Variants in METTL24 observed in about 807,000 individuals in gnomAD.
METTL24 encodes the protein methyltransferase like 24.
A neutral mutation model predicts 32.7 loss-of-function variants in METTL24; 29 were observed. The observed-to-expected ratio is 0.89, with a 90% CI of 0.66 to 1.21. The LOEUF (loss-of-function observed/expected upper bound fraction) is 1.21. Ranked by LOEUF, METTL24 falls within the 50% of genes most tolerant of loss-of-function variation. The pLI is 0.00. For synonymous variants in METTL24, 163 were observed against 179.5 expected, an observed-to-expected ratio of 0.91 and a Z score of 0.73; for missense variants, 439 against 468.1, an observed-to-expected ratio of 0.94 and a Z score of 0.57.
chr6:110,258,789 TACACACACAC>T (rs146964745), intron 4 of METTL24, among the ~76,000 whole-genome samples: 1 of 145,802 alleles, frequency 6.9e-6, no homozygotes. Context: ...TAGATGCATT[TACACACACAC>T]ACACACACAC....
chr6:110,334,422 C>T (rs916583264), intron 1 of METTL24, among the ~76,000 whole-genome samples: 5 of 152,104 alleles, frequency 3.3e-5, no homozygotes, highest in Non-Finnish European at 7.4e-5. Context: ...CCCACAGCCA[C>T]CCCAAAGGCT....
chr6:110,343,309 T>C (rs1184940403), intron 1 of METTL24, among the ~76,000 whole-genome samples: 8 of 152,184 alleles, frequency 5.3e-5, no homozygotes, highest in Non-Finnish European at 1.2e-4. Context: ...GCAGTAGCCA[T>C]AGCTAGGATG....
rs766592909 is a variant in METTL24, at chr6:110,322,873, C to G, written c.319-1G>C. 1.9e-6 allele frequency: 3 copies of G among 1,608,378 alleles called. No homozygotes were observed. The East Asian group carries it at 6.7e-5, about 36-fold the overall frequency. ...GGAGATCTATATGCCACCGGGGACC[C>G]TGCAAGAGACAGAAAACATAGGTTG... On this transcript the variant is annotated splice_acceptor_variant, in intron 1 of 4. Transcript: ENST00000338882. LOFTEE classifies it high-confidence loss of function.
intron 1 of METTL24, among the ~76,000 whole-genome samples, chr6:110,350,109 G>A (rs1772564006): frequency 6.6e-6 from 1 of 152,190 alleles, no homozygotes; most frequent in Non-Finnish European, 1.5e-5. Flanking sequence ...AATGCACTTT[G>A]GGTGCAAAGA....
chr6:110,279,492 A>G (rs920034863), intron 4 of METTL24, among the ~76,000 whole-genome samples: 1 of 152,238 alleles, frequency 6.6e-6, no homozygotes, highest in African/African-American at 2.4e-5. Context: ...AAAAGCCTTA[A>G]GACTGTACCG....
chr6:110,347,762 A>G (rs559824699), intron 1 of METTL24, among the ~76,000 whole-genome samples: 2 of 152,340 alleles, frequency 1.3e-5, no homozygotes, highest in South Asian at 4.1e-4. Flanking sequence ...ATTGAACAGC[A>G]TGTTGTAAAA....
At chr6:110,303,334 A>G (rs1033297963) in intron 3 of METTL24, among the ~76,000 whole-genome samples, 1 of 152,080 alleles carries the variant, frequency 6.6e-6, no homozygotes, top group African/African-American at 2.4e-5. Context: ...TCCCCTGGAA[A>G]AGGGGCTGAA....
intron 4 of METTL24, among the ~76,000 whole-genome samples, chr6:110,272,157 T>C (rs1770968946): frequency 6.6e-6 from 1 of 150,994 alleles, no homozygotes; most frequent in African/African-American, 2.5e-5. Context: ...CCAAAGTCCA[T>C]TATAACATTT....
chr6:110,281,029 G>C (rs911807709), intron 4 of METTL24, among the ~76,000 whole-genome samples: 13 of 152,046 alleles, frequency 8.6e-5, no homozygotes, highest in African/African-American at 3.1e-4. Flanking sequence ...TTTTTCCTTT[G>C]GAGTTCTCTA....
At chr6:110,352,098 C>A (rs189396520) in intron 1 of METTL24, among the ~76,000 whole-genome samples, 1 of 152,308 alleles carries the variant, frequency 6.6e-6, no homozygotes, top group Non-Finnish European at 1.5e-5. Context: ...TATTCCCCTA[C>A]GATCTTACCC....
At chr6:110,308,961 G>A (rs1020401951) in intron 3 of METTL24, among the ~76,000 whole-genome samples, 1 of 152,194 alleles carries the variant, frequency 6.6e-6, no homozygotes, top group Non-Finnish European at 1.5e-5. Flanking sequence ...GGGATGGAGA[G>A]AAGAGGGTTG....
At chr6:110,290,104 T>A (rs1771291819) in intron 4 of METTL24, among the ~76,000 whole-genome samples, 1 of 151,920 alleles carries the variant, frequency 6.6e-6, no homozygotes, top group African/African-American at 2.4e-5. Context: ...TTTGTAGAGA[T>A]GGGGTTTTGC....
At chr6:110,332,618 A>AAT in intron 1 of METTL24, 1 of 367,594 alleles carries the variant, frequency 2.7e-6, no homozygotes, top group Non-Finnish European at 3.8e-6. Flanking sequence ...TTTATATAAG[A>AAT]ATGTTTCGGC....
At chr6:110,315,271 T>C (rs1771796638) in intron 3 of METTL24, 71 bp downstream of exon 3, 7 of 1,555,330 alleles carry the variant, frequency 4.5e-6, no homozygotes, top group Non-Finnish European at 6.1e-6. Flanking sequence ...TCTAACTTTG[T>C]ATTGCTGAAA....
At chr6:110,333,204 G>T (rs149341818) in intron 1 of METTL24, among the ~76,000 whole-genome samples, 49 of 152,192 alleles carry the variant, frequency 3.2e-4, no homozygotes, top group African/African-American at 1.2e-3. Context: ...GCCCTGAGAC[G>T]TCAGTGTATT....
rs115066369 is a variant in METTL24, at chr6:110,265,415, C to T, written c.787-19155G>A. On this transcript the variant is annotated intron_variant, in intron 4 of 4. Coordinates refer to ENST00000338882, the MANE Select transcript of METTL24 (RefSeq NM_001123364.3). ...CAAATATAGCATGGCAGGACTGTTG[C>T]TTGCCCACGTATCCATTCTTCCTTC... 7.1e-3 allele frequency among the ~76,000 whole-genome samples: 1,084 copies of T among 152,286 alleles called. 8 individuals carry two copies. The highest frequency in any genetic ancestry group is 0.02 in the Middle Eastern group (6 of 294).
chr6:110,335,713 T>C (rs1772212866), intron 1 of METTL24, among the ~76,000 whole-genome samples: 1 of 151,978 alleles, frequency 6.6e-6, no homozygotes, highest in South Asian at 2.1e-4. Flanking sequence ...ACTGCACCTA[T>C]TGTACTGGTA....
At position 110,249,168 on chromosome 6, in the gene METTL24, T is replaced by G. The variant is rs1354536986; in HGVS notation, c.787-2908A>C. Among the ~76,000 whole-genome samples the G allele has an allele frequency of 7.2e-5, 11 of 152,112 alleles. No individual in the cohort carries two copies. In the South Asian group the frequency reaches 1.9e-3, roughly 26 times the overall value. On this transcript the variant is annotated intron_variant, in intron 4 of 4. Coordinates refer to ENST00000338882, the MANE Select transcript of METTL24 (RefSeq NM_001123364.3). ...TATTAGTGATGTATAAGGAATATATTTTGTATATTTATTCCAAACGTCTTA... is the reference window on the plus strand; with the variant it reads ...TATTAGTGATGTATAAGGAATATATGTTGTATATTTATTCCAAACGTCTTA...
chr6:110,259,964 T>A (rs1346626348), intron 4 of METTL24, among the ~76,000 whole-genome samples: 1 of 152,162 alleles, frequency 6.6e-6, no homozygotes, highest in Non-Finnish European at 1.5e-5. Flanking sequence ...ACCCCATCTG[T>A]ACGTCACCAT....
Sources: allele counts gnomAD v4.1 joint callset (sites outside exome capture counted in the v4.1 genomes callset), GRCh38; gene constraint gnomAD v4.1.1; transcripts MANE v1.5; gene names NCBI Gene and HGNC (gene_info 2026-07-23, HGNC 2026-07-21).